Variants in JAKMIP1 observed in about 807,000 individuals in gnomAD.
JAKMIP1 encodes janus kinase and microtubule interacting protein 1.
Under a neutral mutation model 113.0 loss-of-function variants are expected in JAKMIP1, and 33 were observed. The ratio of observed to expected loss-of-function variants is 0.29; its 90% CI spans 0.22 to 0.39. JAKMIP1 has a LOEUF of 0.39. Ranked by LOEUF, JAKMIP1 falls within the 10% of genes least tolerant of loss-of-function variation. The pLI is 1.00. For synonymous variants in JAKMIP1, 480 were observed against 459.9 expected (o/e 1.04, Z -0.56); for missense variants, 813 against 1,080.5 (o/e 0.75, Z 3.47).
intron 1 of JAKMIP1, among the ~76,000 whole-genome samples, chr4:6,133,322 G>A (rs139707032): frequency 5.2e-4 from 79 of 152,314 alleles, no homozygotes; most frequent in Non-Finnish European, 1.0e-3. Context: ...GAAAGCCTTA[G>A]AAGACGTACA....
rs1712705687 is a variant in JAKMIP1, at chr4:6,031,792, A to G, written c.2380-2011T>C. Among the ~76,000 whole-genome samples the G allele has an allele frequency of 6.6e-6, 1 of 152,228 alleles. No homozygotes were observed. The highest frequency in any genetic ancestry group is 1.5e-5 in the Non-Finnish European group (1 of 68,046). ...CTCAGATCTGTGACCTTGGGCAGTT[A>G]TTCTGCCTCCCTGAGGCTTGGTGTC... On this transcript the variant is annotated intron_variant, in intron 19 of 20. Coordinates refer to ENST00000409021, the MANE Select transcript of JAKMIP1 (RefSeq NM_001099433.2). The surrounding 1 kb of genome is among the most constrained non-coding windows in gnomAD (Gnocchi z 4.4).
intron 16 of JAKMIP1, among the ~76,000 whole-genome samples, chr4:6,046,153 C>T (rs1714962136): frequency 6.6e-6 from 1 of 152,144 alleles, no homozygotes; most frequent in South Asian, 2.1e-4. Context: ...AGCTGTCAGT[C>T]CCAGGCAAAG....
At position 6,027,220 on chromosome 4, in the gene JAKMIP1, A is replaced by G. The variant is rs540208852; in HGVS notation, c.2446-942T>C. Among the ~76,000 whole-genome samples the G allele has an allele frequency of 5.3e-5, 8 of 152,334 alleles. No individual in the cohort carries two copies. The South Asian group carries it at 1.4e-3, about 28-fold the overall frequency. ...TTAGGGGAAACATATCTGAACATCA[A>G]CTGGGGCTTTTGAAAATAATCCTTG... On this transcript the variant is annotated intron_variant, in intron 20 of 20. Coordinates refer to ENST00000409021, the MANE Select transcript of JAKMIP1 (RefSeq NM_001099433.2).
chr4:6,066,732 CT>C (rs1718145246), intron 8 of JAKMIP1, among the ~76,000 whole-genome samples: 1 of 152,140 alleles, frequency 6.6e-6, no homozygotes, highest in Non-Finnish European at 1.5e-5. Flanking sequence ...CTCTCTCCCC[CT>C]CTCTCCATTG....
chr4:6,075,123 C>T (rs775201954), intron 8 of JAKMIP1, among the ~76,000 whole-genome samples: 1 of 152,142 alleles, frequency 6.6e-6, no homozygotes. Context: ...GAGCCAAGAG[C>T]GTGCCACTGC....
At chr4:6,045,904 A>T (rs1714926162) in intron 16 of JAKMIP1, among the ~76,000 whole-genome samples, 1 of 152,204 alleles carries the variant, frequency 6.6e-6, no homozygotes, top group African/African-American at 2.4e-5. Context: ...GGGAACATTG[A>T]CATTGACTTC....
intron 19 of JAKMIP1, among the ~76,000 whole-genome samples, chr4:6,033,756 A>T (rs973405625): frequency 6.6e-6 from 1 of 152,256 alleles, no homozygotes; most frequent in Non-Finnish European, 1.5e-5. Flanking sequence ...AGGGGAAAAA[A>T]ATCACTGTAA....
At chr4:6,161,191 T>A (rs183643522) in intron 1 of JAKMIP1, among the ~76,000 whole-genome samples, 1 of 114,334 alleles carries the variant, frequency 8.7e-6, no homozygotes, top group East Asian at 2.7e-4. Flanking sequence ...CCTCCCCTGA[T>A]CTCCACTCAT....
intron 20 of JAKMIP1, among the ~76,000 whole-genome samples, chr4:6,028,778 G>T (rs546223013): frequency 6.6e-6 from 1 of 152,332 alleles, no homozygotes. Flanking sequence ...GCCGGCCACG[G>T]ACCTCCTGGA....
chr4:6,037,135 C>T, intron 18 of JAKMIP1, among the ~76,000 whole-genome samples: 1 of 145,658 alleles, frequency 6.9e-6, no homozygotes. Flanking sequence ...ATCACTGAGT[C>T]AGAGGTTAAC....
chr4:6,160,070 A>G (rs1234135190), intron 1 of JAKMIP1, among the ~76,000 whole-genome samples: 3 of 152,176 alleles, frequency 2.0e-5, no homozygotes, highest in African/African-American at 7.2e-5. Context: ...TGAAGAAAAG[A>G]GAGTTCTTAG....
rs542719885 is a variant in JAKMIP1, at chr4:6,138,489, G to A, written c.-147-25492C>T. Among the ~76,000 whole-genome samples the A allele has an allele frequency of 2.2e-4, 34 of 151,536 alleles. No individual in the cohort carries two copies. The highest frequency in any genetic ancestry group is 4.6e-4 in the Non-Finnish European group (31 of 67,994). ...TGACCTCACGTGATCCACCTGCCTC[G>A]GCCTCCCAAAATGCTGGGATTACAG... On this transcript the variant is annotated intron_variant, in intron 1 of 20. Coordinates refer to ENST00000409021, the MANE Select transcript of JAKMIP1 (RefSeq NM_001099433.2). This position sits in a 1 kb window ranked among gnomAD's most constrained non-coding sequence, Gnocchi z 6.0.
At chr4:6,152,178 G>C (rs1407787173) in intron 1 of JAKMIP1, among the ~76,000 whole-genome samples, 1 of 151,982 alleles carries the variant, frequency 6.6e-6, no homozygotes, top group East Asian at 1.9e-4. Context: ...AGCAGGGAGG[G>C]AGGAAGTCAA....
chr4:6,160,817 A>C (rs532597574), intron 1 of JAKMIP1, among the ~76,000 whole-genome samples: 3 of 147,772 alleles, frequency 2.0e-5, no homozygotes, highest in Non-Finnish European at 4.5e-5. Context: ...ACTCACCTCC[A>C]CTGACTCACT....
chr4:6,128,404 G>T (rs532584580), intron 1 of JAKMIP1, among the ~76,000 whole-genome samples: 18 of 152,246 alleles, frequency 1.2e-4, no homozygotes, highest in Non-Finnish European at 2.2e-4. Flanking sequence ...TCCGTAGCTG[G>T]GGCCCAGGGG....
At position 6,088,736 on chromosome 4, in the gene JAKMIP1, G is replaced by C. The variant is rs1721636493; in HGVS notation, c.625-3107C>G. ...TCACAGTTCACTGACTTTACTCCTG[G>C]ATCACAAGCTGAGCTCTTAGTGATC... On this transcript the variant is annotated intron_variant, in intron 3 of 20. Coordinates refer to ENST00000409021, the MANE Select transcript of JAKMIP1 (RefSeq NM_001099433.2). This position sits in a 1 kb window ranked among gnomAD's most constrained non-coding sequence, Gnocchi z 5.5. Among the ~76,000 whole-genome samples the C allele has an allele frequency of 6.6e-6, 1 of 152,170 alleles. No individual in the cohort carries two copies. The highest frequency in any genetic ancestry group is 6.5e-5 in the Admixed American group (1 of 15,288).
At chr4:6,110,399 C>A (rs764814078) in intron 2 of JAKMIP1, among the ~76,000 whole-genome samples, 2 of 151,868 alleles carry the variant, frequency 1.3e-5, no homozygotes, top group African/African-American at 4.8e-5. Flanking sequence ...TGTGAGACAG[C>A]AATCGTCTGT....
At chr4:6,079,194 T>TA (rs145957098) in intron 7 of JAKMIP1, among the ~76,000 whole-genome samples, 196 bp from the exon 8 acceptor site, 1,917 of 152,338 alleles carry the variant, frequency 0.013, 42 homozygotes, top group African/African-American at 0.043. Flanking sequence ...TTGACTTTAT[T>TA]GTTATTTCAC....
intron 3 of JAKMIP1, among the ~76,000 whole-genome samples, chr4:6,092,369 T>C (rs939414582): frequency 6.6e-6 from 1 of 152,200 alleles, no homozygotes; most frequent in Admixed American, 6.5e-5. Flanking sequence ...CGAAGAACCA[T>C]TTCCTGCCAA....
Sources: gnomAD v4.1 joint callset for allele counts (sites outside exome capture counted in the v4.1 genomes callset) on GRCh38, gnomAD v4.1.1 for gene constraint, Gnocchi (gnomAD v3.1) non-coding constraint, MANE v1.5 for transcripts, NCBI Gene and HGNC (gene_info 2026-07-23, HGNC 2026-07-21) for gene names.